Variants in MAML2 observed in about 807,000 individuals in gnomAD.
MAML2 encodes mastermind-like protein 2.
A neutral mutation model predicts 96.1 loss-of-function variants in MAML2; 22 were observed. The observed-to-expected ratio is 0.23, with a 90% CI of 0.16 to 0.33. The LOEUF is 0.33. Among genes scored for constraint, MAML2 ranks in the 10% least tolerant of loss-of-function variants. The pLI is 1.00. For synonymous variants in MAML2, 561 were observed against 521.3 expected, an observed-to-expected ratio of 1.08 and a Z score of -1.04; for missense variants, 1,367 against 1,392.4, an observed-to-expected ratio of 0.98 and a Z score of 0.29.
chr11:96,117,112 G>T (rs867735393), intron 1 of MAML2, among the ~76,000 whole-genome samples: 2 of 152,082 alleles, frequency 1.3e-5, no homozygotes, highest in Non-Finnish European at 2.9e-5. Flanking sequence ...GATGTGAGGG[G>T]AGGGCATCCC....
At chr11:96,317,316 C>A (rs950219582) in intron 1 of MAML2, among the ~76,000 whole-genome samples, 2 of 152,156 alleles carry the variant, frequency 1.3e-5, no homozygotes, top group Non-Finnish European at 2.9e-5. Flanking sequence ...AAATACATTT[C>A]ATATCCGACC....
At chr11:96,113,438 G>C (rs751882321) in intron 1 of MAML2, among the ~76,000 whole-genome samples, 3 of 151,992 alleles carry the variant, frequency 2.0e-5, no homozygotes, top group Admixed American at 2.0e-4. Flanking sequence ...AAAATCCTAA[G>C]CCTGATAAAA....
intron 1 of MAML2, among the ~76,000 whole-genome samples, chr11:96,305,852 T>C (rs1337708358): frequency 3.9e-5 from 6 of 152,128 alleles, no homozygotes; most frequent in African/African-American, 1.4e-4. Flanking sequence ...TGAAAATAAA[T>C]AGCTAACCTG....
intron 2 of MAML2, among the ~76,000 whole-genome samples, chr11:96,038,938 A>T (rs1858761445): frequency 6.6e-6 from 1 of 152,222 alleles, no homozygotes; most frequent in African/African-American, 2.4e-5. Flanking sequence ...CAAATGAATG[A>T]ATGAATAAAT....
intron 1 of MAML2, among the ~76,000 whole-genome samples, chr11:96,284,717 A>G (rs757651534): frequency 2.0e-5 from 3 of 152,224 alleles, no homozygotes; most frequent in African/African-American, 7.2e-5. Context: ...TAGCAACCGC[A>G]GTTTAGAATT....
intron 1 of MAML2, among the ~76,000 whole-genome samples, chr11:96,234,045 G>C (rs1440633335): frequency 2.0e-5 from 3 of 152,138 alleles, no homozygotes; most frequent in Non-Finnish European, 2.9e-5. Context: ...ATTAAGACTG[G>C]CAAAAACAAT....
At chr11:96,118,717 C>T (rs1288260245) in intron 1 of MAML2, among the ~76,000 whole-genome samples, 3 of 152,008 alleles carry the variant, frequency 2.0e-5, no homozygotes, top group Non-Finnish European at 4.4e-5. Flanking sequence ...TGATTTAGGT[C>T]TTGAAGGGAG....
In MAML2 at chr11:96,027,508, C is replaced by T. The variant is rs1043641309; in HGVS notation, c.2140-35785G>A. 4.6e-5 allele frequency among the ~76,000 whole-genome samples: 7 copies of T among 152,146 alleles called. No homozygotes were observed. In the South Asian group the frequency reaches 1.2e-3, roughly 27 times the overall value. On this transcript the variant is annotated intron_variant, in intron 2 of 4. Transcript: ENST00000524717. Reference sequence around the variant, plus strand: ...ACTCAGAGTTGAGCATGGGAATGATCTGGAAAATAAACACAATGTGAAAAG... The same window carrying T: ...ACTCAGAGTTGAGCATGGGAATGATTTGGAAAATAAACACAATGTGAAAAG...
chr11:95,991,578 C>G lies in MAML2; in HGVS notation c.2285G>C (p.Arg762Thr). ...TTGCTGTTTCTGCTCCATGATCTGC[C>G]TCTGTAGAGTCTGCTTCTTTCCCAT... ...QLMGKKQTLQ[R>T]QIMEQKQQLL... Residue 762 changes from arginine to threonine, a missense_variant, in exon 3 of 5, where the codon AGG (arginine) becomes ACG (threonine). By Grantham distance (71) the Arg-to-Thr change is moderately conservative. Transcript: ENST00000524717. 1 of 1,613,798 alleles carries G rather than the reference C, an allele frequency of 6.2e-7. No individual in the cohort carries two copies. The highest frequency in any genetic ancestry group is 8.5e-7 in the Non-Finnish European group (1 of 1,179,742).
intron 1 of MAML2, among the ~76,000 whole-genome samples, chr11:96,292,234 T>C (rs1424778182): frequency 6.6e-6 from 1 of 152,102 alleles, no homozygotes; most frequent in African/African-American, 2.4e-5. Flanking sequence ...AAGTAAAAAA[T>C]TGGCTTTATC....
intron 1 of MAML2, among the ~76,000 whole-genome samples, chr11:96,151,553 C>T (rs1314079199): frequency 1.3e-5 from 2 of 152,108 alleles, no homozygotes; most frequent in African/African-American, 2.4e-5. Context: ...GTGATTGGAT[C>T]GTGGGGATGC....
At chr11:96,247,265 G>A (rs946057261) in intron 1 of MAML2, among the ~76,000 whole-genome samples, 1 of 152,008 alleles carries the variant, frequency 6.6e-6, no homozygotes, top group Admixed American at 6.6e-5. Context: ...TAAGGAAAGA[G>A]GGCACAGACA....
Position 96,159,404 on chromosome 11 carries a change from A to ATTTTTTT in MAML2, c.514-65888_514-65887insAAAAAAA, listed in dbSNP as rs1157893034. ...TACTAACCGTGCCTCTAAACCACTG[A>ATTTTTTT]TTCTTTTTTTTTTTTTTTTTTTTTT... is the stretch of plus-strand genomic sequence containing the variant. On this transcript the variant is annotated intron_variant, in intron 1 of 4. Transcript: ENST00000524717. 1.3e-3 allele frequency among the ~76,000 whole-genome samples: 78 copies of ATTTTTTT among 61,996 alleles called. 5 individuals carry two copies. The highest frequency in any genetic ancestry group is 9.8e-3 in the Middle Eastern group (1 of 102). 40.7% of individuals were successfully genotyped at this position (61,996 alleles called of 152,430 possible).
chr11:96,076,448 A>T (rs1283464371), intron 2 of MAML2, among the ~76,000 whole-genome samples: 2 of 151,402 alleles, frequency 1.3e-5, no homozygotes, highest in Admixed American at 6.6e-5. Context: ...ACACACACAC[A>T]CACACACACA....
At chr11:95,989,876 T>C (rs1459662837) in intron 3 of MAML2, among the ~76,000 whole-genome samples, 2 of 152,206 alleles carry the variant, frequency 1.3e-5, no homozygotes, top group Non-Finnish European at 2.9e-5. Context: ...ATTCCACTTG[T>C]AATTCCTTTA....
At chr11:96,263,794 A>G (rs1348119103) in intron 1 of MAML2, among the ~76,000 whole-genome samples, 1 of 152,222 alleles carries the variant, frequency 6.6e-6, no homozygotes, top group African/African-American at 2.4e-5. Flanking sequence ...TGGTATCATT[A>G]AAAGAGCAAC....
chr11:96,211,495 G>A (rs1175187780), intron 1 of MAML2, among the ~76,000 whole-genome samples: 3 of 149,800 alleles, frequency 2.0e-5, no homozygotes, highest in African/African-American at 7.4e-5. Flanking sequence ...TGAGCTCAAA[G>A]TCTGTTGGGT....
chr11:96,136,574 G>A (rs1176821258), intron 1 of MAML2, among the ~76,000 whole-genome samples: 2 of 151,880 alleles, frequency 1.3e-5, no homozygotes, highest in Non-Finnish European at 2.9e-5. Flanking sequence ...ATCCAAAGTT[G>A]GGGAAAACAG....
At chr11:96,222,536 T>G (rs1163953361) in intron 1 of MAML2, among the ~76,000 whole-genome samples, 1 of 152,110 alleles carries the variant, frequency 6.6e-6, no homozygotes, top group Non-Finnish European at 1.5e-5. Flanking sequence ...AAAGACAAAT[T>G]AATTAACTTG....
Sources: gnomAD v4.1 joint callset for allele counts (sites outside exome capture counted in the v4.1 genomes callset) on GRCh38, gnomAD v4.1.1 for gene constraint, MANE v1.5 for transcripts, NCBI Gene and HGNC (gene_info 2026-07-23, HGNC 2026-07-21) for gene names.